Variants in VWA3B observed in about 807,000 individuals in gnomAD.
VWA3B encodes the protein von Willebrand factor A domain containing 3B.
A neutral mutation model predicts 158.3 loss-of-function variants in VWA3B; 138 were observed. The ratio of observed to expected loss-of-function variants is 0.87; its 90% CI spans 0.76 to 1.00. The LOEUF (loss-of-function observed/expected upper bound fraction) is 1.00. Ranked by LOEUF, VWA3B falls within the 50% of genes least tolerant of loss-of-function variation. The pLI, the probability that VWA3B is intolerant of heterozygous loss-of-function variation, is 0.00. For synonymous variants in VWA3B, 596 were observed against 587.3 expected (o/e 1.01, Z -0.21); for missense variants, 1,555 against 1,565.1 (o/e 0.99, Z 0.11).
intron 10 of VWA3B, among the ~76,000 whole-genome samples, 173 bp downstream of exon 10, chr2:98,188,302 G>A (rs1402177667): frequency 6.6e-6 from 1 of 152,084 alleles, no homozygotes; most frequent in Non-Finnish European, 1.5e-5. Context: ...TCAAATCAGG[G>A]TAACTCACAT....
chr2:98,323,119 T>C, the VWA3B span, among the ~76,000 whole-genome samples: 1 of 152,148 alleles, frequency 6.6e-6, no homozygotes, highest in South Asian at 2.1e-4. Context: ...ATTCTTATGA[T>C]AAAAGACAAA....
chr2:98,222,691 G>A (rs922928995), intron 14 of VWA3B, among the ~76,000 whole-genome samples: 2 of 152,170 alleles, frequency 1.3e-5, no homozygotes, highest in Non-Finnish European at 2.9e-5. Flanking sequence ...AACGCCTCCT[G>A]TCTCTTCAGG....
chr2:98,310,428 T>G (rs968569664), intron 26 of VWA3B, among the ~76,000 whole-genome samples: 1 of 152,188 alleles, frequency 6.6e-6, no homozygotes, highest in Non-Finnish European at 1.5e-5. Context: ...CTTTCCATGC[T>G]TTTAATGCCT....
chr2:98,236,305 G>T (rs1055885829), intron 17 of VWA3B, 85 bp from the exon 18 acceptor site: 1 of 1,408,056 alleles, frequency 7.1e-7, no homozygotes, highest in African/African-American at 1.4e-5. Context: ...AGTCACAGCT[G>T]GACTGAGACA....
chr2:98,280,560 C>T lies in VWA3B; in HGVS notation c.3045+9677C>T, dbSNP rs544036055. Among the ~76,000 whole-genome samples the T allele has an allele frequency of 1.7e-3, 259 of 152,312 alleles. 4 individuals are homozygous for T. The highest frequency in any genetic ancestry group is 4.2e-3 in the Admixed American group (64 of 15,308). The stretch of plus-strand genomic sequence containing the variant: ...TTCTTGTGCCTCTTAGCCATTCGCA[C>T]GGCACAAAGCGCTACCAGCTGGGAT... On this transcript the variant is annotated intron_variant, in intron 22 of 27. Coordinates refer to ENST00000477737, the MANE Select transcript of VWA3B (RefSeq NM_144992.5).
chr2:98,159,657 T>G (rs1024141684), intron 7 of VWA3B, among the ~76,000 whole-genome samples: 37 of 152,220 alleles, frequency 2.4e-4, no homozygotes, highest in African/African-American at 7.9e-4. Flanking sequence ...ATGACTCCAT[T>G]AGGAACCGTA....
rs777028562 is a variant in VWA3B, at chr2:98,311,984, C to T, written c.3687C>T (p.His1229=). The T allele has an allele frequency of 5.6e-6, 9 of 1,604,036 alleles. No individual in the cohort carries two copies. Among genetic ancestry groups the T allele is most frequent in the African/African-American group, 4.0e-5 (3 of 74,688 alleles). ...AAPSDSDGSS[H]GISSHGSCQG... The stretch of plus-strand genomic sequence containing the variant: ...CCTCGGACTCGGACGGCTCCTCCCA[C>T]GGCATCAGCTCCCATGGGTCCTGCC... Residue 1229 remains histidine (H), a synonymous_variant, in exon 27 of 28, where the codon CAC becomes CAT. Transcript: ENST00000477737.
chr2:98,180,118 G>A (rs530050466), intron 8 of VWA3B, among the ~76,000 whole-genome samples: 153 of 83,124 alleles, frequency 1.8e-3, no homozygotes, highest in African/African-American at 6.6e-3. Context: ...TCTTTCTTCT[G>A]TCTCTCTCCT....
intron 2 of VWA3B, among the ~76,000 whole-genome samples, chr2:98,103,516 T>C (rs994699655): frequency 2.6e-5 from 4 of 152,200 alleles, no homozygotes; most frequent in South Asian, 2.1e-4. Context: ...TTTTCCCTTG[T>C]GATTTTTTTT....
intron 7 of VWA3B, among the ~76,000 whole-genome samples, chr2:98,138,641 T>C (rs1338218506): frequency 6.6e-6 from 1 of 152,218 alleles, no homozygotes; most frequent in African/African-American, 2.4e-5. Context: ...TCTCGATGTT[T>C]CCAGAAAGGA....
chr2:98,308,636 C>G (rs1690683200), intron 26 of VWA3B, among the ~76,000 whole-genome samples: 1 of 152,218 alleles, frequency 6.6e-6, no homozygotes, highest in South Asian at 2.1e-4. Flanking sequence ...GGCCTCTGGC[C>G]AGGGCAGGGG....
chr2:98,278,861 C>T (rs1415892483), intron 22 of VWA3B, among the ~76,000 whole-genome samples: 2 of 152,190 alleles, frequency 1.3e-5, no homozygotes, highest in African/African-American at 4.8e-5. Flanking sequence ...CTGCTGCCTT[C>T]TACCCAGTAT....
At chr2:98,203,236 G>A (rs920727174) in intron 12 of VWA3B, among the ~76,000 whole-genome samples, 2 of 152,206 alleles carry the variant, frequency 1.3e-5, no homozygotes, top group African/African-American at 2.4e-5. Flanking sequence ...CCAAAAATCA[G>A]TTGAATATGT....
intron 2 of VWA3B, among the ~76,000 whole-genome samples, chr2:98,112,304 GTGT>G (rs1674203024): frequency 1.4e-5 from 2 of 146,850 alleles, no homozygotes; most frequent in African/African-American, 5.1e-5. Context: ...GTGTGTGTGG[GTGT>G]GTGTGTGTGT....
chr2:98,154,456 T>C (rs980378676), intron 7 of VWA3B, among the ~76,000 whole-genome samples: 2 of 152,122 alleles, frequency 1.3e-5, no homozygotes, highest in Admixed American at 6.5e-5. Flanking sequence ...TCTGAGGTGT[T>C]TGCAGATCTC....
At chr2:98,222,849 G>A (rs1684622739) in intron 14 of VWA3B, among the ~76,000 whole-genome samples, 1 of 152,002 alleles carries the variant, frequency 6.6e-6, no homozygotes, top group Non-Finnish European at 1.5e-5. Context: ...ATTTAAGCAG[G>A]GCAACTACCA....
rs527324683 is a variant in VWA3B, at chr2:98,228,179, A to G, written c.2020-23A>G. On this transcript the variant is annotated intron_variant, in intron 14 of 27. Transcript: ENST00000477737. Reference sequence around the variant, plus strand: ...AGCTCTTTTTATCTAGTCTTATAGCATATTCACTTCTCATTTTGGCAGAAT... The same window carrying G: ...AGCTCTTTTTATCTAGTCTTATAGCGTATTCACTTCTCATTTTGGCAGAAT... 124 of 1,603,994 alleles carry G rather than the reference A, an allele frequency of 7.7e-5. No homozygotes were observed. In the East Asian group the frequency reaches 2.6e-3, roughly 34 times the overall value.
At chr2:98,234,870 A>T in intron 17 of VWA3B, 103 bp downstream of exon 17, 1 of 1,487,728 alleles carries the variant, frequency 6.7e-7, no homozygotes, top group Non-Finnish European at 9.0e-7. Flanking sequence ...CATATTTTAA[A>T]TGGGCCCAGA....
chr2:98,127,711 GCA>G (rs1382199873), intron 5 of VWA3B, among the ~76,000 whole-genome samples: 1 of 151,886 alleles, frequency 6.6e-6, no homozygotes, highest in East Asian at 1.9e-4. Flanking sequence ...GACCAGCTGT[GCA>G]CAGTCAGGAC....
Sources: gnomAD v4.1 joint callset for allele counts (sites outside exome capture counted in the v4.1 genomes callset) on GRCh38, gnomAD v4.1.1 for gene constraint, MANE v1.5 for transcripts, NCBI Gene and HGNC (gene_info 2026-07-23, HGNC 2026-07-21) for gene names.